Variants in SORCS3 observed in about 807,000 individuals in gnomAD.
The protein encoded by SORCS3 is VPS10 domain-containing receptor SorCS3.
In SORCS3, 57 loss-of-function variants were observed where a neutral mutation model predicts 146.3. The observed-to-expected ratio is 0.39, with a 90% CI of 0.31 to 0.49. The LOEUF is 0.49. Among genes scored for constraint, SORCS3 ranks in the 20% least tolerant of loss-of-function variants. The pLI is 0.92. For missense variants in SORCS3, 1,341 were observed against 1,575.5 expected (o/e 0.85, Z 2.52); for synonymous variants, 653 against 618.5 (o/e 1.06, Z -0.83).
chr10:105,066,185 C>T (rs1175345004), intron 5 of SORCS3, among the ~76,000 whole-genome samples: 1 of 152,168 alleles, frequency 6.6e-6, no homozygotes, highest in Non-Finnish European at 1.5e-5. Flanking sequence ...TTTGTGACCA[C>T]GTTGCACAAA....
At chr10:105,260,454 T>A (rs1477371414) in intron 25 of SORCS3, among the ~76,000 whole-genome samples, 1 of 152,242 alleles carries the variant, frequency 6.6e-6, no homozygotes, top group Non-Finnish European at 1.5e-5. Flanking sequence ...GAGCCTAGTG[T>A]GCTGCCTCAC....
chr10:104,883,981 G>A (rs550078323), intron 2 of SORCS3, among the ~76,000 whole-genome samples: 3 of 151,634 alleles, frequency 2.0e-5, no homozygotes, highest in Non-Finnish European at 4.4e-5. Context: ...GGAATGAGGG[G>A]GGGGAAAGGG....
At chr10:104,829,222 C>T (rs1306711921) in intron 1 of SORCS3, among the ~76,000 whole-genome samples, 1 of 152,140 alleles carries the variant, frequency 6.6e-6, no homozygotes, top group Non-Finnish European at 1.5e-5. Flanking sequence ...AAGCATGTAA[C>T]CTAGAGTCAG....
intron 3 of SORCS3, among the ~76,000 whole-genome samples, chr10:104,946,718 G>T (rs1312507490): frequency 6.6e-6 from 1 of 152,128 alleles, no homozygotes; most frequent in East Asian, 1.9e-4. Context: ...CTCCCTGTGG[G>T]TATGAAGTTA....
At chr10:104,898,141 C>A (rs889149735) in intron 2 of SORCS3, among the ~76,000 whole-genome samples, 1 of 152,106 alleles carries the variant, frequency 6.6e-6, no homozygotes, top group Non-Finnish European at 1.5e-5. Flanking sequence ...TTTCAGACAC[C>A]CACTTTGCCA....
chr10:104,936,844 C>T (rs1288136112), intron 3 of SORCS3, among the ~76,000 whole-genome samples: 1 of 152,196 alleles, frequency 6.6e-6, no homozygotes, highest in East Asian at 1.9e-4. Context: ...AATGAACAGA[C>T]TTGGTCTCTG....
Position 104,875,554 on chromosome 10 carries a change from G to A in SORCS3, c.695+32695G>A, listed in dbSNP as rs537678873. On this transcript the variant is annotated intron_variant, in intron 2 of 26. Transcript: ENST00000369701. ...TTAGTAGACTATTAAAAGATAGTTGGTATTTCATTACTGGGAGCTTCAGAT... is the reference window on the plus strand; with the variant it reads ...TTAGTAGACTATTAAAAGATAGTTGATATTTCATTACTGGGAGCTTCAGAT... Among the ~76,000 whole-genome samples the A allele has an allele frequency of 7.2e-5, 11 of 152,176 alleles. No homozygotes were observed. In the South Asian group the frequency reaches 1.7e-3, roughly 23 times the overall value.
At chr10:104,797,516 A>T (rs557346217) in intron 1 of SORCS3, among the ~76,000 whole-genome samples, 33 of 149,684 alleles carry the variant, frequency 2.2e-4, no homozygotes, top group East Asian at 1.4e-3. Context: ...TTTTTTTTTT[A>T]AAAGAGACAG....
chr10:105,159,207 C>A (rs533840635), intron 11 of SORCS3, among the ~76,000 whole-genome samples: 16 of 152,326 alleles, frequency 1.1e-4, no homozygotes, highest in Admixed American at 5.9e-4. Flanking sequence ...ATCTTCCCCC[C>A]AGACACAGAG....
chr10:104,671,325 C>CTTTGTTTTTTTTTTTTTTTTTT (rs2015850229), intron 1 of SORCS3, among the ~76,000 whole-genome samples: 1 of 19,194 alleles, frequency 5.2e-5, no homozygotes, highest in Non-Finnish European at 8.9e-5. Flanking sequence ...CATTCTTTTC[C>CTTTGTTTTTTTTTTTTTTTTTT]TTTTTTTTTT....
At position 104,816,851 on chromosome 10, in the gene SORCS3, C is replaced by T. The variant is rs947735652; in HGVS notation, c.628-25941C>T. Among the ~76,000 whole-genome samples, 4 of 152,214 alleles carry T rather than the reference C, an allele frequency of 2.6e-5. No homozygotes were observed. The South Asian group carries it at 6.2e-4, about 24-fold the overall frequency. ...AAGTTGGTGCTGCTTAGAGTGGTCT[C>T]TCCTTACTTTCACTTCCTTCTACTT... On this transcript the variant is annotated intron_variant, in intron 1 of 26. Coordinates refer to ENST00000369701, the MANE Select transcript of SORCS3 (RefSeq NM_014978.3).
At chr10:104,644,630 T>C (rs1295285839) in intron 1 of SORCS3, among the ~76,000 whole-genome samples, 2 of 152,210 alleles carry the variant, frequency 1.3e-5, no homozygotes, top group African/African-American at 4.8e-5. Flanking sequence ...GAGGGAGATG[T>C]CCGTAAAACA....
chr10:105,174,860 C>G (rs780703451), intron 13 of SORCS3, among the ~76,000 whole-genome samples: 1 of 152,054 alleles, frequency 6.6e-6, no homozygotes, highest in Admixed American at 6.6e-5. Flanking sequence ...CCTTGGAGGT[C>G]GTATCTCAAT....
chr10:104,766,866 C>T (rs1376675172), intron 1 of SORCS3, among the ~76,000 whole-genome samples: 6 of 152,318 alleles, frequency 3.9e-5, no homozygotes, highest in African/African-American at 1.4e-4. Context: ...TCTGTTTCCA[C>T]CCAAAGGGTG....
At chr10:104,722,105 G>C (rs2016557116) in intron 1 of SORCS3, among the ~76,000 whole-genome samples, 1 of 152,156 alleles carries the variant, frequency 6.6e-6, no homozygotes, top group African/African-American at 2.4e-5. Context: ...TATGATATTG[G>C]CTGTGGGTTT....
At chr10:104,749,926 C>T (rs552764082) in intron 1 of SORCS3, among the ~76,000 whole-genome samples, 2 of 152,050 alleles carry the variant, frequency 1.3e-5, no homozygotes, top group Non-Finnish European at 2.9e-5. Context: ...CTTGCAAAAA[C>T]AATGAAAATG....
intron 2 of SORCS3, among the ~76,000 whole-genome samples, chr10:104,913,706 TCCC>T (rs1214839440): frequency 6.6e-6 from 1 of 151,940 alleles, no homozygotes; most frequent in Non-Finnish European, 1.5e-5. Context: ...TTAGGAGGTT[TCCC>T]ATGTCTTATA....
At chr10:105,074,136 A>T (rs984927622) in intron 5 of SORCS3, among the ~76,000 whole-genome samples, 1 of 152,204 alleles carries the variant, frequency 6.6e-6, no homozygotes, top group African/African-American at 2.4e-5. Context: ...GCCACAGAGT[A>T]GGTCATTCAT....
Position 105,216,957 on chromosome 10 carries a change from A to G in SORCS3, c.2569A>G (p.Ile857Val), listed in dbSNP as rs1368579170. ...MEEGDLQRTN[I>V]QLDFGDGIAV... is the part of the protein sequence containing the mutation. ...GCAGGGTGATCTACAAAGGACAAAC[A>G]TCCAGCTTGACTTTGGGGATGGGAT... The change falls in exon 19 of 27, where the codon ATC (isoleucine) becomes GTC (valine). Residue 857 changes from isoleucine (I) to valine (V), a missense_variant. Coordinates refer to ENST00000369701, the MANE Select transcript of SORCS3 (RefSeq NM_014978.3). 6.2e-7 allele frequency: 1 copy of G among 1,614,060 alleles called. No individual in the cohort carries two copies. The highest frequency in any genetic ancestry group is 1.7e-5 in the Admixed American group (1 of 60,004).
Sources: allele counts gnomAD v4.1 joint callset (sites outside exome capture counted in the v4.1 genomes callset), GRCh38; gene constraint gnomAD v4.1.1; transcripts MANE v1.5; gene names NCBI Gene and HGNC (gene_info 2026-07-23, HGNC 2026-07-21).